The following ARSK variants were observed in gnomAD, a reference collection of about 807,000 sequenced individuals.
ARSK encodes the protein arylsulfatase family member K.
A neutral mutation model predicts 53.2 loss-of-function variants in ARSK; 37 were observed. That is an observed-to-expected ratio of 0.70 (90% CI 0.54 to 0.92). The LOEUF is 0.92. ARSK is among the 40% of genes least tolerant of loss of function. ARSK has a pLI of 0.00. For missense variants in ARSK, 613 were observed against 643.0 expected, an observed-to-expected ratio of 0.95 and a Z score of 0.51; for synonymous variants, 208 against 223.2, an observed-to-expected ratio of 0.93 and a Z score of 0.61.
chr5:95,568,015 A>G lies in ARSK; in HGVS notation c.382A>G (p.Lys128Glu), dbSNP rs1450883951. 6.2e-7 allele frequency: 1 copy of G among 1,613,922 alleles called. No homozygotes were observed. The highest frequency in any genetic ancestry group is 8.5e-7 in the Non-Finnish European group (1 of 1,179,868). The change falls in exon 3 of 8, where the codon AAA becomes GAA. Residue 128 changes from lysine to glutamate, a missense_variant. Lys to Glu is a moderately conservative substitution (Grantham distance 56, BLOSUM62 1). Transcript: ENST00000380009. Reference sequence around the variant, plus strand: ...TGGCTACCGAACACAGAAATTTGGGAAACTGGACTATACTTCAGGACATCA... The same window carrying G: ...TGGCTACCGAACACAGAAATTTGGGGAACTGGACTATACTTCAGGACATCA... ...RHGYRTQKFGKLDYTSGHHSI... is the reference protein window; with the variant it reads ...RHGYRTQKFGELDYTSGHHSI...
chr5:95,556,328 G>A (rs1401306359), intron 1 of ARSK: 2 of 683,694 alleles, frequency 2.9e-6, no homozygotes, highest in Non-Finnish European at 5.3e-6. Context: ...TTGACTAGAT[G>A]GCATTTTATT....
chr5:95,603,440 C>T lies in ARSK; in HGVS notation c.1525C>T (p.His509Tyr). The T allele has an allele frequency of 1.2e-6, 2 of 1,613,348 alleles. No homozygotes were observed. The highest frequency in any genetic ancestry group is 1.7e-6 in the Non-Finnish European group (2 of 1,179,550). ...AAACGTTATAGCAAATCTTAGGTGG[C>T]ACCAAGACTGGCAGAAGGAACCAAG... is the stretch of plus-strand genomic sequence containing the variant. ...YSNVIANLRWHQDWQKEPRKY... is the reference protein window; with the variant it reads ...YSNVIANLRWYQDWQKEPRKY... The change falls in exon 8 of 8, where the codon CAC (histidine) becomes TAC (tyrosine). Residue 509 changes from histidine (H) to tyrosine (Y), a missense_variant. His to Tyr is a moderately conservative substitution (Grantham distance 83). Coordinates refer to ENST00000380009, the MANE Select transcript of ARSK (RefSeq NM_198150.3).
chr5:95,556,243 C>T (rs1748505398), intron 1 of ARSK: 2 of 701,858 alleles, frequency 2.8e-6, no homozygotes, highest in South Asian at 1.5e-5. Flanking sequence ...TCTGGATGTG[C>T]CCATGGGATT....
intron 1 of ARSK, among the ~76,000 whole-genome samples, chr5:95,565,173 T>C (rs1207800632): frequency 1.3e-5 from 2 of 152,226 alleles, no homozygotes; most frequent in Non-Finnish European, 2.9e-5. Context: ...CGTGAGTTCT[T>C]CAATTCCCAG....
chr5:95,589,246 G>A (rs1580227969), intron 5 of ARSK, among the ~76,000 whole-genome samples: 1 of 152,182 alleles, frequency 6.6e-6, no homozygotes, highest in African/African-American at 2.4e-5. Context: ...TTCCCTAGAA[G>A]AACACAAGCT....
At chr5:95,558,727 A>T (rs560442056) in intron 1 of ARSK, among the ~76,000 whole-genome samples, 1 of 152,376 alleles carries the variant, frequency 6.6e-6, no homozygotes, top group South Asian at 2.1e-4. Context: ...AAAACTACCA[A>T]CAAAGAGAAG....
rs1404992257 is a variant in ARSK at position 95,582,906 on chromosome 5, G to GC, written c.417-5dup. 6.4e-7 allele frequency: 1 copy of GC among 1,571,938 alleles called. No homozygotes were observed. Among genetic ancestry groups the GC allele is most frequent in the African/African-American group, 1.4e-5 (1 of 73,234 alleles). On this transcript the variant is annotated splice_polypyrimidine_tract_variant and intron_variant, in intron 3 of 7. Transcript: ENST00000380009. ...TACCTGACAATATATGTGTCTTTTT[G>GC]CCCCCTCAGTAATCGTGTGGAAGCG...
intron 6 of ARSK, 113 bp downstream of exon 6, chr5:95,591,738 A>G: frequency 1.0e-6 from 1 of 968,446 alleles, no homozygotes. Flanking sequence ...TGACTTGTTT[A>G]TAACCCTGAG....
chr5:95,555,154 T>C lies in ARSK; in HGVS notation c.-125T>C. On this transcript the variant is annotated 5_prime_UTR_variant, in exon 1 of 8. Coordinates refer to ENST00000380009, the MANE Select transcript of ARSK (RefSeq NM_198150.3). This position sits in a 1 kb window ranked among gnomAD's most constrained non-coding sequence, Gnocchi z 4.0. ...TAGTTCTGCGGGTGAAGCTCGGCGT[T>C]ACTATCAAGCAACCAAACTGCAAGC... is the stretch of plus-strand genomic sequence containing the variant. 1.2e-6 allele frequency: 1 copy of C among 818,032 alleles called. No individual in the cohort carries two copies. Among genetic ancestry groups the C allele is most frequent in the Non-Finnish European group, 1.9e-6 (1 of 538,780 alleles). The allele number at this position is 818,032 out of a possible 1,614,324, so 50.7% of individuals were successfully genotyped here.
intron 3 of ARSK, among the ~76,000 whole-genome samples, chr5:95,581,389 T>A (rs1749018751): frequency 6.6e-6 from 1 of 152,210 alleles, no homozygotes; most frequent in Admixed American, 6.5e-5. Flanking sequence ...CTTGAAAATC[T>A]TTCTTTGAGA....
chr5:95,567,800 A>G, intron 2 of ARSK, 90 bp from the exon 3 acceptor site: 1 of 1,294,006 alleles, frequency 7.7e-7, no homozygotes, highest in Admixed American at 2.5e-5. Context: ...TAAGCTCTTC[A>G]CTAGTGGACT....
chr5:95,565,110 A>T (rs1008665381), intron 1 of ARSK, among the ~76,000 whole-genome samples: 2 of 152,244 alleles, frequency 1.3e-5, no homozygotes, highest in Non-Finnish European at 2.9e-5. Flanking sequence ...AACATATAAT[A>T]GATAGAACTC....
chr5:95,585,527 T>C (rs990055460), intron 4 of ARSK, among the ~76,000 whole-genome samples: 2 of 152,140 alleles, frequency 1.3e-5, no homozygotes, highest in Non-Finnish European at 2.9e-5. Flanking sequence ...CCGGATGAAA[T>C]TGGAGACCGT....
intron 6 of ARSK, chr5:95,600,590 T>G: frequency 1.6e-6 from 1 of 617,608 alleles, no homozygotes; most frequent in Non-Finnish European, 3.0e-6. Flanking sequence ...ATGAACCTAA[T>G]AAATACAAGT....
intron 3 of ARSK, among the ~76,000 whole-genome samples, chr5:95,582,102 TA>T (rs1749029761): frequency 6.6e-6 from 1 of 152,104 alleles, no homozygotes; most frequent in Admixed American, 6.5e-5. Context: ...TCTGGATTTT[TA>T]AAACACTTTT....
chr5:95,573,689 A>G (rs1165478832), intron 3 of ARSK, among the ~76,000 whole-genome samples: 1 of 152,186 alleles, frequency 6.6e-6, no homozygotes, highest in Non-Finnish European at 1.5e-5. Context: ...CTGCTCATGT[A>G]GGTTAATATT....
rs1231719006 is a variant in ARSK at position 95,601,033 on chromosome 5, C to G, written c.1283C>G (p.Ala428Gly). The stretch of plus-strand genomic sequence containing the variant: ...CGAACTAACCACTGGAAATATATAG[C>G]CTATTCGGATGGTGCATCAATATTG... ...MLRTNHWKYI[A>G]YSDGASILPQ... The change falls in exon 7 of 8, where the codon GCC becomes GGC. Residue 428 changes from alanine to glycine, a missense_variant. Ala to Gly is a moderately conservative substitution (Grantham distance 60). Coordinates refer to ENST00000380009, the MANE Select transcript of ARSK (RefSeq NM_198150.3). 6.2e-7 allele frequency: 1 copy of G among 1,613,912 alleles called. No individual in the cohort carries two copies. Among genetic ancestry groups the G allele is most frequent in the East Asian group, 2.2e-5 (1 of 44,880 alleles).
chr5:95,578,222 G>A (rs748663410), intron 3 of ARSK, among the ~76,000 whole-genome samples: 9 of 152,056 alleles, frequency 5.9e-5, no homozygotes, highest in Non-Finnish European at 1.3e-4. Flanking sequence ...CAGGATCATA[G>A]CTCACTGAAG....
chr5:95,596,701 C>T (rs927051392), intron 6 of ARSK, among the ~76,000 whole-genome samples: 1 of 151,990 alleles, frequency 6.6e-6, no homozygotes, highest in African/African-American at 2.4e-5. Context: ...ATTCTACCTT[C>T]AATAGAAAGA....
Sources: gnomAD v4.1 joint callset for allele counts (sites outside exome capture counted in the v4.1 genomes callset) on GRCh38, gnomAD v4.1.1 for gene constraint, Gnocchi (gnomAD v3.1) non-coding constraint, MANE v1.5 for transcripts, NCBI Gene and HGNC (gene_info 2026-07-23, HGNC 2026-07-21) for gene names.